C10orf67: variants seen among roughly 807,000 people sequenced by gnomAD.
The protein encoded by C10orf67 is chromosome 10 open reading frame 67.
A neutral mutation model predicts 35.6 loss-of-function variants in C10orf67; 60 were observed. The ratio of observed to expected loss-of-function variants is 1.68; its 90% confidence interval spans 1.37 to 2.09. The LOEUF is 2.09. Among genes scored for constraint, C10orf67 ranks in the 30% most tolerant of loss-of-function variants. C10orf67 has a pLI of 0.00. For missense variants in C10orf67, 474 were observed against 330.2 expected (o/e 1.44, Z -3.38); for synonymous variants, 167 against 115.8 (o/e 1.44, Z -2.84).
chr10:23,323,280 A>G lies in C10orf67; in HGVS notation c.328-743T>C, dbSNP rs574342950. 2.1e-4 allele frequency among the ~76,000 whole-genome samples: 32 copies of G among 152,290 alleles called. No individual in the cohort carries two copies. The East Asian group carries it at 6.0e-3, about 29-fold the overall frequency. ...ATATGTAACCAGCATGTTGACTAAG[A>G]ACCATTTGTAATAATCAAAACACAA... On this transcript the variant is annotated intron_variant, in intron 2 of 15. Transcript: ENST00000636213.
rs147430163 is a variant in C10orf67 at position 23,319,914 on chromosome 10, A to G, written c.546+827T>C. Reference sequence around the variant, plus strand: ...GGAAGTGCCCCTGTCAGTAAAAAGCAGTGGGGAGAATGTGCAGTGGAGAGA... The same window carrying G: ...GGAAGTGCCCCTGTCAGTAAAAAGCGGTGGGGAGAATGTGCAGTGGAGAGA... On this transcript the variant is annotated intron_variant, in intron 4 of 15. Coordinates refer to ENST00000636213, the MANE Select transcript of C10orf67 (RefSeq NM_001371909.1). 2.9e-3 allele frequency among the ~76,000 whole-genome samples: 441 copies of G among 152,302 alleles called. 1 individual carries two copies. The highest frequency in any genetic ancestry group is 6.6e-3 in the South Asian group (32 of 4,820).
chr10:23,270,030 A>T (rs544568680), intron 8 of C10orf67, among the ~76,000 whole-genome samples: 124 of 152,310 alleles, frequency 8.1e-4, no homozygotes, highest in African/African-American at 3.0e-3. Flanking sequence ...CAGAAAACAC[A>T]TCATTTTCAA....
intron 7 of C10orf67, among the ~76,000 whole-genome samples, chr10:23,287,801 G>T (rs1428361336): frequency 6.6e-6 from 1 of 152,086 alleles, no homozygotes; most frequent in Non-Finnish European, 1.5e-5. Context: ...CCATCAAAAA[G>T]TGGGCAAAGG....
chr10:23,263,584 C>T (rs2080891781), intron 10 of C10orf67, among the ~76,000 whole-genome samples: 1 of 152,142 alleles, frequency 6.6e-6, no homozygotes, highest in African/African-American at 2.4e-5. Flanking sequence ...CTGATTTTCT[C>T]CTATGTCCCA....
intron 10 of C10orf67, among the ~76,000 whole-genome samples, chr10:23,257,137 C>G (rs963568960): frequency 3.3e-5 from 5 of 152,140 alleles, no homozygotes; most frequent in Non-Finnish European, 7.4e-5. Context: ...ATGCCAATAC[C>G]AAGTGGAGGT....
rs565871019 is a variant in C10orf67, at chr10:23,230,070, A to G, written c.1435-6252T>C. ...GGGCACTCTTGCAAAACAGGGCATG[A>G]GCATTAGCCTTATCAGATAAGATTT... On this transcript the variant is annotated intron_variant, in intron 13 of 15. Transcript: ENST00000636213. 4.6e-5 allele frequency among the ~76,000 whole-genome samples: 7 copies of G among 152,258 alleles called. No homozygotes were observed. In the East Asian group the frequency reaches 9.6e-4, roughly 21 times the overall value.
At chr10:23,241,335 C>T (rs1821155446) in intron 12 of C10orf67, among the ~76,000 whole-genome samples, 2 of 152,138 alleles carry the variant, frequency 1.3e-5, no homozygotes, top group South Asian at 4.1e-4. Context: ...CTCACCATAC[C>T]TAATTTAGAT....
intron 2 of C10orf67, among the ~76,000 whole-genome samples, chr10:23,328,691 A>G (rs900599294): frequency 6.6e-6 from 1 of 151,872 alleles, no homozygotes; most frequent in African/African-American, 2.4e-5. Flanking sequence ...AGATTAAAAA[A>G]AAAAAAAAAA....
chr10:23,304,043 C>A (rs1844182850), intron 4 of C10orf67, among the ~76,000 whole-genome samples: 1 of 152,206 alleles, frequency 6.6e-6, no homozygotes, highest in African/African-American at 2.4e-5. Context: ...TCACATTCAC[C>A]TGTACCTCTG....
rs146671026 is a variant in C10orf67, at chr10:23,334,347, T to A, written c.207-1165A>T. On this transcript the variant is annotated intron_variant, in intron 1 of 15. Coordinates refer to ENST00000636213, the MANE Select transcript of C10orf67 (RefSeq NM_001371909.1). Reference sequence around the variant, plus strand: ...AAGGCAATTTTCTGGATGCACTCTGTCAATTTGATCAAACTTACCACAACT... The same window carrying A: ...AAGGCAATTTTCTGGATGCACTCTGACAATTTGATCAAACTTACCACAACT... Among the ~76,000 whole-genome samples the A allele has an allele frequency of 2.5e-3, 379 of 152,354 alleles. 3 individuals are homozygous for A. Among genetic ancestry groups the A allele is most frequent in the African/African-American group, 8.8e-3 (367 of 41,588 alleles).
At chr10:23,216,770 GATGTTAT>G (rs1841442542) in intron 15 of C10orf67, among the ~76,000 whole-genome samples, 1 of 152,076 alleles carries the variant, frequency 6.6e-6, no homozygotes, top group Admixed American at 6.5e-5. Flanking sequence ...CATGCCAAAT[GATGTTAT>G]AAATTATTTG....
Position 23,239,780 on chromosome 10 carries a change from G to A in C10orf67, c.1383C>T (p.His461=), listed in dbSNP as rs1481813278. 3.1e-6 allele frequency: 2 copies of A among 644,394 alleles called. No individual in the cohort carries two copies. Among genetic ancestry groups the A allele is most frequent in the East Asian group, 5.5e-5 (2 of 36,354 alleles). The allele number at this position is 644,394 out of a possible 1,614,324, so 39.9% of individuals were successfully genotyped here. ...GCACTGCAAACTGACGAAACAGTGT[G>A]TGCCTTGTAAACATCTCATTCTTAA... is the stretch of plus-strand genomic sequence containing the variant. ...HVLKNEMFTR[H]TLFRQFAVLA... Residue 461 remains histidine, a synonymous_variant, in exon 13 of 16, where the codon CAC becomes CAT. Coordinates refer to ENST00000636213, the MANE Select transcript of C10orf67 (RefSeq NM_001371909.1).
intron 10 of C10orf67, among the ~76,000 whole-genome samples, chr10:23,254,877 T>C (rs1842559724): frequency 1.3e-5 from 2 of 152,182 alleles, no homozygotes; most frequent in South Asian, 2.1e-4. Flanking sequence ...TCATTTTCTC[T>C]GGGCTTAATG....
At position 23,322,374 on chromosome 10, in the gene C10orf67, A is replaced by C; in HGVS notation, c.471+20T>G. The C allele has an allele frequency of 6.2e-7, 1 of 1,603,478 alleles. No homozygotes were observed. Among genetic ancestry groups the C allele is most frequent in the South Asian group, 1.1e-5 (1 of 90,130 alleles). ...ACAGTATCAATCCACATAAAACAAA[A>C]GAAATAAGAGAACATTTACCTGTTG... On this transcript the variant is annotated intron_variant, in intron 3 of 15. Transcript: ENST00000636213.
intron 9 of C10orf67, 129 bp downstream of exon 9, chr10:23,267,066 T>G: frequency 1.7e-6 from 1 of 593,074 alleles, no homozygotes; most frequent in Non-Finnish European, 3.0e-6. Flanking sequence ...TTCAAGAACT[T>G]TCTTTTTCAA....
chr10:23,269,012 T>C (rs1842952619), intron 8 of C10orf67, among the ~76,000 whole-genome samples: 1 of 152,210 alleles, frequency 6.6e-6, no homozygotes, highest in Non-Finnish European at 1.5e-5. Flanking sequence ...CATGGCTGTA[T>C]TATAGTTAAC....
In C10orf67 at chr10:23,237,479, CT is replaced by C. The variant is rs527326487; in HGVS notation, c.1434+2249del. ...ATTTGTAAGAGAATGTTTATAGCAG[CT>C]TTTTTTTTCATAATAGCCCTAACTG... On this transcript the variant is annotated intron_variant, in intron 13 of 15. Transcript: ENST00000636213. Among the ~76,000 whole-genome samples, 44 of 151,450 alleles carry C rather than the reference CT, an allele frequency of 2.9e-4. No individual in the cohort carries two copies. The East Asian group carries it at 6.0e-3, about 21-fold the overall frequency.
At chr10:23,274,966 C>T (rs4258280) in intron 8 of C10orf67, among the ~76,000 whole-genome samples, 20,522 of 152,066 alleles carry the variant, frequency 0.13, 2,649 homozygotes, top group East Asian at 0.66. Context: ...GTTCTTCTGC[C>T]GCAGCTTCAG....
At position 23,296,825 on chromosome 10, in the gene C10orf67, A is replaced by G. The variant is rs567476656; in HGVS notation, c.703-5546T>C. ...GGAGGTTAAAGATACAGGGATTGAA[A>G]TGTATGGCCTGCAGTGCAGGGGATT... On this transcript the variant is annotated intron_variant, in intron 5 of 15. Transcript: ENST00000636213. 1.1e-3 allele frequency among the ~76,000 whole-genome samples: 173 copies of G among 152,306 alleles called. 1 individual carries two copies. Among genetic ancestry groups the G allele is most frequent in the African/African-American group, 4.1e-3 (169 of 41,562 alleles).
Sources: gnomAD v4.1 joint callset for allele counts (sites outside exome capture counted in the v4.1 genomes callset) on GRCh38, gnomAD v4.1.1 for gene constraint, MANE v1.5 for transcripts, NCBI Gene and HGNC (gene_info 2026-07-23, HGNC 2026-07-21) for gene names.